The following PLIN5 variants were observed in gnomAD, a reference collection of about 807,000 sequenced individuals.
PLIN5 encodes perilipin-5.
A neutral mutation model predicts 32.8 loss-of-function variants in PLIN5; 34 were observed. The ratio of observed to expected loss-of-function variants is 1.04; its 90% CI spans 0.79 to 1.38. The LOEUF is 1.38. PLIN5 is among the 40% of genes most tolerant of loss of function. The pLI, the probability that PLIN5 is intolerant of heterozygous loss-of-function variation, is 0.00. For synonymous variants in PLIN5, 309 were observed against 292.9 expected, an observed-to-expected ratio of 1.05 and a Z score of -0.56; for missense variants, 712 against 660.5, an observed-to-expected ratio of 1.08 and a Z score of -0.85.
chr19:4,527,538 CAAAAAAAAAAAAAA>C (rs1176219746), intron 5 of PLIN5, among the ~76,000 whole-genome samples: 5 of 29,682 alleles, frequency 1.7e-4, no homozygotes, highest in Non-Finnish European at 2.5e-4. Flanking sequence ...GACTCCACTT[CAAAAAAAAAAAAAA>C]AAAAAAAAAA....
chr19:4,529,982 G>A (rs984527589), intron 3 of PLIN5, 116 bp from the exon 4 acceptor site: 2 of 583,558 alleles, frequency 3.4e-6, no homozygotes, highest in Non-Finnish European at 5.9e-6. Flanking sequence ...GAGAAGGAAG[G>A]AGACCAGGAT....
rs1217081822 is a variant in PLIN5 at position 4,531,669 on chromosome 19, G to A, written c.214C>T (p.Leu72=). Residue 72 remains leucine, a synonymous_variant, in exon 3 of 8, where the codon CTG becomes TTG. Transcript: ENST00000381848. ...NCVCGLTTRA[L]DHAQPLLEHL... The stretch of plus-strand genomic sequence containing the variant: ...TCGAGCAGCGGCTGGGCGTGGTCCA[G>A]GGCACGGGTGGTCAGGCCGCACACG... 6.5e-7 allele frequency: 1 copy of A among 1,543,742 alleles called. No individual in the cohort carries two copies. The highest frequency in any genetic ancestry group is 1.4e-5 in the African/African-American group (1 of 73,130).
Position 4,523,426 on chromosome 19 carries a change from A to C in PLIN5, c.*102T>G. On this transcript the variant is annotated 3_prime_UTR_variant, in exon 8 of 8. Transcript: ENST00000381848. The surrounding 1 kb of genome is among the most constrained non-coding windows in gnomAD (Gnocchi z 5.0). ...CCGGAGTTGGGCCTGATTCCAAAGA[A>C]GGGTCAAGGCCAAGGCCTCGAGCTT... is the stretch of plus-strand genomic sequence containing the variant. 1 of 1,321,594 alleles carries C rather than the reference A, an allele frequency of 7.6e-7. No homozygotes were observed. 81.9% of individuals were successfully genotyped at this position (1,321,594 alleles called of 1,614,324 possible).
rs1048378156 is a variant in PLIN5, at chr19:4,525,513, G to A, written c.720+120C>T. The stretch of plus-strand genomic sequence containing the variant: ...CCAGCCCTGAACACATGCAGCTGGA[G>A]ACAGCTGCACCCAGCTCCGCCTCCT... On this transcript the variant is annotated intron_variant, in intron 6 of 7. Transcript: ENST00000381848. This position sits in a 1 kb window ranked among gnomAD's most constrained non-coding sequence, Gnocchi z 5.6. 2.3e-5 allele frequency: 28 copies of A among 1,225,140 alleles called. No homozygotes were observed. The highest frequency in any genetic ancestry group is 2.7e-4 in the Middle Eastern group (1 of 3,732). The allele number at this position is 1,225,140 out of a possible 1,614,324, so 75.9% of individuals were successfully genotyped here. A position where few individuals can be genotyped will look rare whatever the true frequency, so the allele number is the denominator to read the frequency against.
intron 5 of PLIN5, among the ~76,000 whole-genome samples, chr19:4,527,538 CAAAAAAAAAAAAA>C (rs1176219746): frequency 1.2e-3 from 37 of 29,680 alleles, no homozygotes; most frequent in Middle Eastern, 0.02. Flanking sequence ...GACTCCACTT[CAAAAAAAAAAAAA>C]AAAAAAAAAA....
At chr19:4,529,537 C>A (rs1335662451) in intron 4 of PLIN5, 4 of 456,412 alleles carry the variant, frequency 8.8e-6, no homozygotes, top group Non-Finnish European at 1.1e-5. Flanking sequence ...TACATATATA[C>A]TTATACGTAT....
At chr19:4,533,682 T>G (rs1455629658) in intron 2 of PLIN5, 12 of 495,356 alleles carry the variant, frequency 2.4e-5, no homozygotes, top group Admixed American at 7.1e-5. Context: ...CAGTGATTGC[T>G]GCTCTTACTA....
At position 4,531,731 on chromosome 19, in the gene PLIN5, G is replaced by T; in HGVS notation, c.152C>A (p.Pro51Gln). Reference sequence around the variant, plus strand: ...CAGGCGGCAGGCGGAGCCCAGCAGCGGGTGCCTGTCCTTGGCTGCACTGTA... The same window carrying T: ...CAGGCGGCAGGCGGAGCCCAGCAGCTGGTGCCTGTCCTTGGCTGCACTGTA... ...DVYSAAKDRH[P>Q]LLGSACRLAE... Residue 51 changes from proline to glutamine, a missense_variant, in exon 3 of 8, where the codon CCG (proline) becomes CAG (glutamine). By Grantham distance (76) the Pro-to-Gln change is moderately conservative. Transcript: ENST00000381848. 1.3e-6 allele frequency: 2 copies of T among 1,596,240 alleles called. No individual in the cohort carries two copies. Among genetic ancestry groups the T allele is most frequent in the Non-Finnish European group, 1.7e-6 (2 of 1,174,490 alleles).
chr19:4,534,227 T>C (rs1976921411), intron 1 of PLIN5, 132 bp from the exon 2 acceptor site: 1 of 719,756 alleles, frequency 1.4e-6, no homozygotes, highest in Admixed American at 2.2e-5. Context: ...GGGCATTCTG[T>C]GGAGCTCAGA....
rs2145319915 is a variant in PLIN5 at position 4,523,268 on chromosome 19, A to C, written c.*260T>G. The C allele has an allele frequency of 2.3e-6, 1 of 430,284 alleles. No individual in the cohort carries two copies. Among genetic ancestry groups the C allele is most frequent in the African/African-American group, 2.1e-5 (1 of 48,576 alleles). The allele number at this position is 430,284 out of a possible 1,614,324, so 26.7% of individuals were successfully genotyped here. A position where few individuals can be genotyped will look rare whatever the true frequency, so the allele number is the denominator to read the frequency against. On this transcript the variant is annotated 3_prime_UTR_variant, in exon 8 of 8. Transcript: ENST00000381848. The surrounding 1 kb of genome is among the most constrained non-coding windows in gnomAD (Gnocchi z 5.0). ...TCGCTTCATGGAGCCAGGGAGCAGG[A>C]CATAGGTGAAGAACCCAGCTTGTGG...
rs997744526 is a variant in PLIN5, at chr19:4,523,411, G to A, written c.*117C>T. On this transcript the variant is annotated 3_prime_UTR_variant, in exon 8 of 8. Transcript: ENST00000381848. The surrounding 1 kb of genome is among the most constrained non-coding windows in gnomAD (Gnocchi z 5.0). ...AAGGTGGTCAGAGATCCGGAGTTGG[G>A]CCTGATTCCAAAGAAGGGTCAAGGC... 5.2e-5 allele frequency: 63 copies of A among 1,212,506 alleles called. No homozygotes were observed. The highest frequency in any genetic ancestry group is 1.7e-4 in the Admixed American group (6 of 34,362). 75.1% of individuals were successfully genotyped at this position (1,212,506 alleles called of 1,614,324 possible).
intron 4 of PLIN5, 186 bp downstream of exon 4, chr19:4,529,598 T>C (rs1305425190): frequency 4.3e-5 from 23 of 532,312 alleles, no homozygotes; most frequent in Middle Eastern, 4.7e-4. Context: ...TATACGTATA[T>C]ACATATATGT....
intron 3 of PLIN5, among the ~76,000 whole-genome samples, chr19:4,530,465 G>C (rs912833949): frequency 6.6e-6 from 1 of 152,130 alleles, no homozygotes; most frequent in Admixed American, 6.6e-5. Context: ...ATCGGCTCAG[G>C]GGTCCACAGA....
chr19:4,525,198 C>A lies in PLIN5; in HGVS notation c.721-122G>T. On this transcript the variant is annotated intron_variant, in intron 6 of 7. Transcript: ENST00000381848. This position sits in a 1 kb window ranked among gnomAD's most constrained non-coding sequence, Gnocchi z 5.6. ...ATTTAGGAGACCGAGGCAGGTTGTG[C>A]AGGGCCGTGGGGAAGACTTGGGCTT... The A allele has an allele frequency of 1.6e-6, 1 of 638,418 alleles. No homozygotes were observed. Among genetic ancestry groups the A allele is most frequent in the Non-Finnish European group, 2.6e-6 (1 of 385,492 alleles). The allele number at this position is 638,418 out of a possible 1,614,324, so 39.5% of individuals were successfully genotyped here. A position where few individuals can be genotyped will look rare whatever the true frequency, so the allele number is the denominator to read the frequency against.
chr19:4,524,625 A>AGGGAGGGAAAGCGAGAAG (rs1976776307), intron 7 of PLIN5, among the ~76,000 whole-genome samples: 2 of 152,252 alleles, frequency 1.3e-5, no homozygotes, highest in East Asian at 1.9e-4. Context: ...GAGAATGTGG[A>AGGGAGGGAAAGCGAGAAG]GGGAGGGAAA....
At chr19:4,534,189 G>A (rs1976921007) in intron 1 of PLIN5, 94 bp from the exon 2 acceptor site, 2 of 1,054,730 alleles carry the variant, frequency 1.9e-6, no homozygotes, top group Non-Finnish European at 2.8e-6. Context: ...AAACCTCTTG[G>A]GGCCTCAGTT....
chr19:4,528,535 A>C (rs1459141626), intron 5 of PLIN5: 1 of 152,140 alleles, frequency 6.6e-6, no homozygotes, highest in Non-Finnish European at 1.5e-5. Flanking sequence ...CAGCCTCCCG[A>C]GTATCTGGGA....
At position 4,523,596 on chromosome 19, in the gene PLIN5, A is replaced by G; in HGVS notation, c.1324T>C (p.Cys442Arg). 6.2e-7 allele frequency: 1 copy of G among 1,606,444 alleles called. No homozygotes were observed. Among genetic ancestry groups the G allele is most frequent in the Non-Finnish European group, 8.5e-7 (1 of 1,177,028 alleles). ...GDRMGVAGDICEQEPETPSCP... is the reference protein window; with the variant it reads ...GDRMGVAGDIREQEPETPSCP... The stretch of plus-strand genomic sequence containing the variant: ...CTGGGGGTCTCGGGTTCCTGCTCGC[A>G]GATGTCCCCGGCAACACCCATCCTG... Residue 442 changes from cysteine to arginine, a missense_variant, in exon 8 of 8, where the codon TGC becomes CGC. Cys to Arg is a radical substitution (Grantham distance 180, BLOSUM62 -3). Transcript: ENST00000381848. The surrounding 1 kb of genome is among the most constrained non-coding windows in gnomAD (Gnocchi z 5.0).
rs370217900 is a variant in PLIN5 at position 4,533,996 on chromosome 19, T to C, written c.60+19A>G. On this transcript the variant is annotated intron_variant, in intron 2 of 7. Transcript: ENST00000381848. ...CACAATACCTTCTGTCCCTGCTCCA[T>C]GGGAGGGGCAGCCCTCACCTGCTGG... 24 of 1,610,088 alleles carry C rather than the reference T, an allele frequency of 1.5e-5. No individual in the cohort carries two copies. The African/African-American group carries it at 2.3e-4, about 15-fold the overall frequency.
Sources: allele counts gnomAD v4.1 joint callset (sites outside exome capture counted in the v4.1 genomes callset), GRCh38; gene constraint gnomAD v4.1.1; non-coding constraint Gnocchi (gnomAD v3.1); transcripts MANE v1.5; gene names NCBI Gene and HGNC (gene_info 2026-07-23, HGNC 2026-07-21).